The following STAG1 variants were observed in gnomAD, a reference collection of about 807,000 sequenced individuals.
STAG1 encodes cohesin subunit SA-1.
Under a neutral mutation model 170.9 loss-of-function variants are expected in STAG1, and 26 were observed. The observed-to-expected ratio is 0.15, with a 90% confidence interval of 0.11 to 0.21. The LOEUF is 0.21. Ranked by LOEUF, STAG1 falls within the 10% of genes least tolerant of loss-of-function variation. The pLI is 1.00. For missense variants in STAG1, 964 were observed against 1,509.5 expected (o/e 0.64, Z 5.99); for synonymous variants, 514 against 497.7 (o/e 1.03, Z -0.44).
chr3:136,465,355 G>A (rs2089422433), intron 12 of STAG1, among the ~76,000 whole-genome samples: 1 of 151,122 alleles, frequency 6.6e-6, no homozygotes, highest in Non-Finnish European at 1.5e-5. Flanking sequence ...GAGTAGCTGA[G>A]ATTACAGGTG....
chr3:136,376,228 T>C (rs913802972), intron 23 of STAG1, among the ~76,000 whole-genome samples: 2 of 152,050 alleles, frequency 1.3e-5, no homozygotes, highest in Non-Finnish European at 2.9e-5. Flanking sequence ...TACTGTACTC[T>C]TTCACCAAAC....
chr3:136,720,938 G>A (rs755770355), intron 1 of STAG1, among the ~76,000 whole-genome samples: 7 of 152,190 alleles, frequency 4.6e-5, no homozygotes, highest in Non-Finnish European at 1.0e-4. Flanking sequence ...AGATGACACA[G>A]ACATACCTAT....
In STAG1 at chr3:136,568,849, C is replaced by A; in HGVS notation, c.310G>T (p.Asp104Tyr). ...TCTTGTTTATATGATTCAATCCAGT[C>A]ATCCACCACGGACTGTGGAAAAAAA... is the stretch of plus-strand genomic sequence containing the variant. ...GKSAMQSVVD[D>Y]WIESYKQDRD... The change falls in exon 5 of 34, where the codon GAC becomes TAC. Residue 104 changes from aspartate to tyrosine, a missense_variant. Asp to Tyr is a radical substitution (Grantham distance 160). Coordinates refer to ENST00000383202, the MANE Select transcript of STAG1 (RefSeq NM_005862.3). 6.2e-7 allele frequency: 1 copy of A among 1,611,274 alleles called. No homozygotes were observed. The highest frequency in any genetic ancestry group is 1.1e-5 in the South Asian group (1 of 90,950).
chr3:136,578,119 T>C (rs1050363359), intron 4 of STAG1, among the ~76,000 whole-genome samples: 14 of 152,238 alleles, frequency 9.2e-5, no homozygotes, highest in Non-Finnish European at 1.9e-4. Context: ...TATATCTATG[T>C]GCTTTTAAAG....
At chr3:136,427,491 C>T (rs999447501) in intron 16 of STAG1, among the ~76,000 whole-genome samples, 3 of 152,078 alleles carry the variant, frequency 2.0e-5, no homozygotes, top group African/African-American at 7.2e-5. Flanking sequence ...CCTTGAATAA[C>T]ATTATGGGAC....
In STAG1 at chr3:136,625,552, C is replaced by T. The variant is rs140888914; in HGVS notation, c.30-2304G>A. On this transcript the variant is annotated intron_variant, in intron 2 of 33. Coordinates refer to ENST00000383202, the MANE Select transcript of STAG1 (RefSeq NM_005862.3). ...AATTAACTGATTTAAGTTATGCATACGTATGCTTTAAGTTATTATACAAAT... is the reference window on the plus strand; with the variant it reads ...AATTAACTGATTTAAGTTATGCATATGTATGCTTTAAGTTATTATACAAAT... Among the ~76,000 whole-genome samples, 50 of 152,214 alleles carry T rather than the reference C, an allele frequency of 3.3e-4. 1 individual carries two copies. The highest frequency in any genetic ancestry group is 9.2e-4 in the Admixed American group (14 of 15,288).
At chr3:136,442,043 C>T (rs2088649852) in intron 15 of STAG1, among the ~76,000 whole-genome samples, 1 of 152,228 alleles carries the variant, frequency 6.6e-6, no homozygotes, top group South Asian at 2.1e-4. Flanking sequence ...AATAAAAGTA[C>T]AAAAATTAGC....
chr3:136,588,330 T>C (rs1937949581), intron 4 of STAG1, among the ~76,000 whole-genome samples: 1 of 152,026 alleles, frequency 6.6e-6, no homozygotes, highest in Non-Finnish European at 1.5e-5. Flanking sequence ...TCTGTTGTTG[T>C]TTTTGGGCTT....
chr3:136,428,904 G>A (rs549961209), intron 16 of STAG1, among the ~76,000 whole-genome samples: 1 of 152,316 alleles, frequency 6.6e-6, no homozygotes, highest in African/African-American at 2.4e-5. Context: ...GGATGCCAAG[G>A]TGGGAGAATC....
At chr3:136,459,308 G>T (rs780735150) in intron 13 of STAG1, among the ~76,000 whole-genome samples, 1 of 151,694 alleles carries the variant, frequency 6.6e-6, no homozygotes, top group Non-Finnish European at 1.5e-5. Flanking sequence ...ATGACAAGAG[G>T]ATATAACAAT....
chr3:136,347,556 TTG>T (rs1224487002), intron 29 of STAG1, among the ~76,000 whole-genome samples: 1 of 152,118 alleles, frequency 6.6e-6, no homozygotes, highest in Non-Finnish European at 1.5e-5. Flanking sequence ...ATCTTAAACT[TTG>T]TGGAGATTTT....
At chr3:136,680,246 GC>G (rs1332467598) in intron 1 of STAG1, among the ~76,000 whole-genome samples, 1 of 152,174 alleles carries the variant, frequency 6.6e-6, no homozygotes, top group African/African-American at 2.4e-5. Context: ...GGGCATCAGA[GC>G]GAGACCCTGT....
At chr3:136,558,981 T>A (rs1478240666) in intron 5 of STAG1, among the ~76,000 whole-genome samples, 1 of 152,232 alleles carries the variant, frequency 6.6e-6, no homozygotes, top group Non-Finnish European at 1.5e-5. Flanking sequence ...CAGACATTTT[T>A]GCTTGTTACA....
At chr3:136,517,230 C>T (rs1211404608) in intron 7 of STAG1, among the ~76,000 whole-genome samples, 1 of 152,110 alleles carries the variant, frequency 6.6e-6, no homozygotes, top group Non-Finnish European at 1.5e-5. Flanking sequence ...CTAATTTTTT[C>T]CCAAATTCAT....
At chr3:136,675,513 C>T (rs1012109649) in intron 1 of STAG1, among the ~76,000 whole-genome samples, 1 of 152,198 alleles carries the variant, frequency 6.6e-6, no homozygotes, top group African/African-American at 2.4e-5. Context: ...TCAACCCTAA[C>T]TGATAGAACC....
At chr3:136,570,042 TAAA>T (rs1468838994) in intron 4 of STAG1, among the ~76,000 whole-genome samples, 4 of 152,108 alleles carry the variant, frequency 2.6e-5, no homozygotes, top group Admixed American at 6.5e-5. Context: ...ATGTAAATTT[TAAA>T]AAAATAAAAT....
At chr3:136,648,675 T>A (rs1322385415) in intron 1 of STAG1, among the ~76,000 whole-genome samples, 1 of 152,188 alleles carries the variant, frequency 6.6e-6, no homozygotes, top group Non-Finnish European at 1.5e-5. Context: ...CTGAAATCAG[T>A]CTTGATTTCC....
rs762160605 is a variant in STAG1 at position 136,377,696 on chromosome 3, C to A, written c.2334G>T (p.Gln778His). Reference sequence around the variant, plus strand: ...CTGGAGTATTAACATTAGACAGGCACTGCTGGCAAACAGCCAAAAAGGATT... The same window carrying A: ...CTGGAGTATTAACATTAGACAGGCAATGCTGGCAAACAGCCAAAAAGGATT... ...TVKSFLAVCQ[Q>H]CLSNVNTPVK... Residue 778 changes from glutamine to histidine, a missense_variant, in exon 23 of 34, where the codon CAG (glutamine) becomes CAT (histidine). Gln to His is a conservative substitution (Grantham distance 24). Around this residue, in one of 11 missense-constraint regions of STAG1, gnomAD observed 232 missense variants for 313.0 expected, o/e 0.74. Transcript: ENST00000383202. The A allele has an allele frequency of 2.4e-5, 38 of 1,613,932 alleles. No individual in the cohort carries two copies. In the South Asian group the frequency reaches 3.8e-4, roughly 16 times the overall value.
At chr3:136,449,237 C>T (rs1439165968) in intron 14 of STAG1, among the ~76,000 whole-genome samples, 1 of 152,022 alleles carries the variant, frequency 6.6e-6, no homozygotes, top group Non-Finnish European at 1.5e-5. Context: ...CCTTTCAATA[C>T]TATTTGCAGT....
Sources: gnomAD v4.1 joint callset for allele counts (sites outside exome capture counted in the v4.1 genomes callset) on GRCh38, gnomAD v4.1.1 for gene constraint, gnomAD v4.1.1 regional missense constraint, MANE v1.5 for transcripts, NCBI Gene and HGNC (gene_info 2026-07-23, HGNC 2026-07-21) for gene names.